Variants in GXYLT2 observed in about 807,000 individuals in gnomAD.
The protein encoded by GXYLT2 is glycosyltransferase 8 domain containing 4.
Under a neutral mutation model 45.8 loss-of-function variants are expected in GXYLT2, and 53 were observed. The ratio of observed to expected loss-of-function variants is 1.16; its 90% confidence interval spans 0.93 to 1.46. The LOEUF (loss-of-function observed/expected upper bound fraction) is 1.46, where lower values mean the gene tolerates loss of function less well. GXYLT2 is among the 40% of genes most tolerant of loss of function. The probability of loss-of-function intolerance (pLI) is 0.00; values close to 1 mark genes in which losing one functional copy is unlikely to be tolerated. For synonymous variants in GXYLT2, 219 were observed against 214.2 expected (o/e 1.02, Z -0.19); for missense variants, 551 against 544.4 (o/e 1.01, Z -0.12).
At chr3:72,952,071 C>A (rs927524957) in intron 3 of GXYLT2, among the ~76,000 whole-genome samples, 1 of 149,968 alleles carries the variant, frequency 6.7e-6, no homozygotes, top group Middle Eastern at 3.5e-3. Context: ...GTCATCATTT[C>A]GGCTCACTGC....
chr3:72,957,462 G>T, intron 5 of GXYLT2, 110 bp downstream of exon 5: 2 of 1,106,772 alleles, frequency 1.8e-6, no homozygotes, highest in African/African-American at 1.6e-5. Context: ...GTGCACAGAG[G>T]AGCCTGTGTT....
intron 3 of GXYLT2, among the ~76,000 whole-genome samples, chr3:72,940,345 G>C (rs762122922): frequency 1.3e-5 from 2 of 152,040 alleles, no homozygotes; most frequent in Non-Finnish European, 2.9e-5. Context: ...AGTCAGAAAA[G>C]AATGACAAAA....
intron 6 of GXYLT2, among the ~76,000 whole-genome samples, chr3:72,974,542 T>C (rs1270900472): frequency 3.3e-5 from 5 of 152,332 alleles, no homozygotes; most frequent in Admixed American, 2.0e-4. Flanking sequence ...ATATGGACTT[T>C]CCTGTCCTTA....
chr3:72,892,956 T>A (rs1709210216), intron 1 of GXYLT2, among the ~76,000 whole-genome samples: 1 of 152,182 alleles, frequency 6.6e-6, no homozygotes, highest in South Asian at 2.1e-4. Context: ...TTCCACCATT[T>A]CCACTCCATA....
At chr3:72,904,130 A>G (rs1290207614) in intron 1 of GXYLT2, among the ~76,000 whole-genome samples, 2 of 152,204 alleles carry the variant, frequency 1.3e-5, no homozygotes, top group East Asian at 3.9e-4. Flanking sequence ...CCCCTTTTAT[A>G]AAGTAAAAAT....
At chr3:72,955,445 T>C (rs1710622500) in intron 4 of GXYLT2, 96 bp downstream of exon 4, 1 of 1,206,124 alleles carries the variant, frequency 8.3e-7, no homozygotes, top group African/African-American at 1.5e-5. Context: ...TTTTGGAAAT[T>C]GGGTGGCCTA....
intron 2 of GXYLT2, among the ~76,000 whole-genome samples, chr3:72,921,018 G>A (rs778832520): frequency 1.7e-4 from 25 of 150,526 alleles, no homozygotes; most frequent in Non-Finnish European, 3.0e-4. Context: ...ACGGGGTTTC[G>A]CCATGTTGGC....
At chr3:72,959,622 TC>T (rs1710730887) in intron 5 of GXYLT2, among the ~76,000 whole-genome samples, 1 of 151,868 alleles carries the variant, frequency 6.6e-6, no homozygotes. Flanking sequence ...TCCTTTTTCT[TC>T]TTAGGTAGGT....
intron 3 of GXYLT2, among the ~76,000 whole-genome samples, chr3:72,926,418 T>C (rs576702040): frequency 1.3e-5 from 2 of 152,226 alleles, no homozygotes; most frequent in African/African-American, 4.8e-5. Flanking sequence ...GCAGATGGCT[T>C]GGTTAAGCGT....
intron 6 of GXYLT2, among the ~76,000 whole-genome samples, chr3:72,974,378 A>G (rs2107163289): frequency 6.6e-6 from 1 of 152,304 alleles, no homozygotes; most frequent in East Asian, 1.9e-4. Context: ...TTTACTAGTA[A>G]TTGTTAAACC....
chr3:72,889,694 G>T (rs1047114895), intron 1 of GXYLT2, among the ~76,000 whole-genome samples: 3 of 151,952 alleles, frequency 2.0e-5, no homozygotes, highest in African/African-American at 4.8e-5. Flanking sequence ...GATTAATTAG[G>T]GTTTAACTGC....
chr3:72,961,825 A>G (rs1710776228), intron 5 of GXYLT2, among the ~76,000 whole-genome samples: 1 of 152,148 alleles, frequency 6.6e-6, no homozygotes, highest in Admixed American at 6.5e-5. Context: ...TACAAGGGCA[A>G]TTTCTAGAAA....
intron 2 of GXYLT2, among the ~76,000 whole-genome samples, chr3:72,920,202 T>C (rs933164346): frequency 6.6e-6 from 1 of 152,172 alleles, no homozygotes; most frequent in Non-Finnish European, 1.5e-5. Flanking sequence ...TGGTCCAATC[T>C]TGGCTCACTG....
At chr3:72,898,813 C>T (rs13097802) in intron 1 of GXYLT2, among the ~76,000 whole-genome samples, 44,190 of 151,612 alleles carry the variant, frequency 0.29, 6,849 homozygotes, top group Non-Finnish European at 0.34. Context: ...CTCACTGCAA[C>T]CTCCGCCTTC....
At chr3:72,890,676 T>C (rs1443518602) in intron 1 of GXYLT2, among the ~76,000 whole-genome samples, 2 of 152,250 alleles carry the variant, frequency 1.3e-5, no homozygotes, top group East Asian at 1.9e-4. Flanking sequence ...TCGAGAACAG[T>C]GGCGCAGCAT....
chr3:72,959,222 A>G (rs1168522625), intron 5 of GXYLT2, among the ~76,000 whole-genome samples: 1 of 146,894 alleles, frequency 6.8e-6, no homozygotes, highest in Non-Finnish European at 1.5e-5. Flanking sequence ...GGTTTGAGCA[A>G]TTCTTCTGCC....
chr3:72,908,810 T>C (rs1037836177), intron 2 of GXYLT2, among the ~76,000 whole-genome samples: 6 of 152,156 alleles, frequency 3.9e-5, no homozygotes, highest in African/African-American at 1.4e-4. Context: ...CAATCTCGGC[T>C]CACTGCAGCC....
At chr3:72,949,283 T>G (rs1351192600) in intron 3 of GXYLT2, among the ~76,000 whole-genome samples, 1 of 152,050 alleles carries the variant, frequency 6.6e-6, no homozygotes, top group Non-Finnish European at 1.5e-5. Flanking sequence ...TCTTTTCACA[T>G]GCTCTTCCAT....
intron 3 of GXYLT2, among the ~76,000 whole-genome samples, chr3:72,948,783 G>A (rs761684144): frequency 1.0e-4 from 15 of 147,360 alleles, no homozygotes; most frequent in Middle Eastern, 3.7e-3. Context: ...GTTGCAGTGC[G>A]CCAAGATCAT....
Sources: allele counts gnomAD v4.1 joint callset (sites outside exome capture counted in the v4.1 genomes callset), GRCh38; gene constraint gnomAD v4.1.1; transcripts MANE v1.5; gene names NCBI Gene and HGNC (gene_info 2026-07-23, HGNC 2026-07-21).